Variants in ADAMTSL1 observed in about 807,000 individuals in gnomAD.
ADAMTSL1 encodes ADAMTS like 1.
A neutral mutation model predicts 201.8 loss-of-function variants in ADAMTSL1; 126 were observed. The observed-to-expected ratio is 0.62, with a 90% CI of 0.54 to 0.72. ADAMTSL1 has a LOEUF of 0.72. ADAMTSL1 is among the 30% of genes least tolerant of loss of function. The probability of loss-of-function intolerance (pLI) is 0.00; values close to 1 mark genes in which losing one functional copy is unlikely to be tolerated. For synonymous variants in ADAMTSL1, 1,121 were observed against 903.4 expected, an observed-to-expected ratio of 1.24 and a Z score of -4.32; for missense variants, 2,679 against 2,277.8, an observed-to-expected ratio of 1.18 and a Z score of -3.59.
chr9:18,699,702 C>T (rs908617131), intron 13 of ADAMTSL1, among the ~76,000 whole-genome samples: 1 of 152,166 alleles, frequency 6.6e-6, no homozygotes, highest in African/African-American at 2.4e-5. Flanking sequence ...CAGGGACACT[C>T]AATCTTTTTC....
intron 2 of ADAMTSL1, among the ~76,000 whole-genome samples, chr9:18,323,387 A>T (rs1834702505): frequency 6.6e-6 from 1 of 152,176 alleles, no homozygotes; most frequent in African/African-American, 2.4e-5. Flanking sequence ...GGAACTTTTT[A>T]AATCGGATAG....
At chr9:18,051,078 G>T (rs980881382) in intron 1 of ADAMTSL1, among the ~76,000 whole-genome samples, 1 of 152,196 alleles carries the variant, frequency 6.6e-6, no homozygotes, top group Non-Finnish European at 1.5e-5. Flanking sequence ...AAGGCGGGCA[G>T]ATCATGAGGT....
chr9:18,762,326 T>G (rs922713138), intron 16 of ADAMTSL1, among the ~76,000 whole-genome samples: 8 of 152,140 alleles, frequency 5.3e-5, no homozygotes, highest in Middle Eastern at 3.2e-3. Flanking sequence ...TGGAGGAGGC[T>G]TTAATGAAGA....
chr9:17,964,513 T>C (rs1248871480), intron 1 of ADAMTSL1, among the ~76,000 whole-genome samples: 1 of 152,136 alleles, frequency 6.6e-6, no homozygotes, highest in Non-Finnish European at 1.5e-5. Flanking sequence ...CTCTTCTGTG[T>C]CTCGACAGTA....
At chr9:18,820,279 T>C (rs180876620) in intron 21 of ADAMTSL1, among the ~76,000 whole-genome samples, 1 of 152,304 alleles carries the variant, frequency 6.6e-6, no homozygotes, top group Admixed American at 6.5e-5. Context: ...CAAGATACAA[T>C]TTTCAGGAAG....
chr9:18,326,491 T>G (rs1042732887), intron 2 of ADAMTSL1, among the ~76,000 whole-genome samples: 5 of 152,166 alleles, frequency 3.3e-5, no homozygotes, highest in African/African-American at 1.2e-4. Context: ...TGCTATACAT[T>G]TTTTAAAAAA....
intron 3 of ADAMTSL1, among the ~76,000 whole-genome samples, chr9:18,564,347 T>C (rs1376578654): frequency 1.3e-5 from 2 of 152,096 alleles, no homozygotes; most frequent in Admixed American, 6.5e-5. Context: ...GCAGCTACTG[T>C]CTAACCAGTC....
chr9:18,824,993 G>A (rs1824455233), intron 21 of ADAMTSL1, among the ~76,000 whole-genome samples: 1 of 152,104 alleles, frequency 6.6e-6, no homozygotes, highest in African/African-American at 2.4e-5. Context: ...ATCACGCCCG[G>A]CCAGGACTTT....
chr9:18,838,543 T>G (rs894855585), intron 23 of ADAMTSL1, among the ~76,000 whole-genome samples: 3 of 151,990 alleles, frequency 2.0e-5, no homozygotes, highest in Admixed American at 2.0e-4. Context: ...AATAAATAAC[T>G]AGGCTGGGCA....
rs201675556 is a variant in ADAMTSL1 at position 18,474,278 on chromosome 9, C to G, written c.46C>G (p.Leu16Val). 1.9e-6 allele frequency: 3 copies of G among 1,614,042 alleles called. No individual in the cohort carries two copies. Among genetic ancestry groups the G allele is most frequent in the Non-Finnish European group, 2.5e-6 (3 of 1,180,028 alleles). The change falls in exon 1 of 29, where the codon CTG (leucine) becomes GTG (valine). Residue 16 changes from leucine to valine, a missense_variant. Coordinates refer to ENST00000380548, the MANE Select transcript of ADAMTSL1 (RefSeq NM_001040272.6). The stretch of plus-strand genomic sequence containing the variant: ...AACTCCTGGCACACTGCTCCTCTTT[C>G]TGGCTTTCCTGCTCCTGGTAAATGC... ...RATPGTLLLF[L>V]AFLLLSSRTA...
chr9:18,186,907 G>A (rs912782955), intron 2 of ADAMTSL1, among the ~76,000 whole-genome samples: 1 of 151,674 alleles, frequency 6.6e-6, no homozygotes, highest in African/African-American at 2.4e-5. Context: ...TTGACGATAA[G>A]GATGGGTTTG....
chr9:18,254,344 GGTTTTTTT>G (rs1831584920), intron 2 of ADAMTSL1, among the ~76,000 whole-genome samples: 2 of 55,088 alleles, frequency 3.6e-5, no homozygotes. Context: ...TACTCTTTTT[GGTTTTTTT>G]TTTTTTTTTT....
intron 24 of ADAMTSL1, among the ~76,000 whole-genome samples, chr9:18,888,402 C>T (rs1037860490): frequency 3.9e-5 from 6 of 152,200 alleles, no homozygotes; most frequent in African/African-American, 1.4e-4. Flanking sequence ...ACAGAGTAGC[C>T]TGTTTGGTTA....
intron 2 of ADAMTSL1, among the ~76,000 whole-genome samples, chr9:18,422,399 A>G (rs1344267316): frequency 6.6e-6 from 1 of 152,152 alleles, no homozygotes; most frequent in Non-Finnish European, 1.5e-5. Flanking sequence ...TTCTCTCTGA[A>G]TAATGTTACA....
intron 14 of ADAMTSL1, chr9:18,718,330 T>G (rs529670720): frequency 2.7e-5 from 20 of 739,922 alleles, no homozygotes; most frequent in Non-Finnish European, 4.8e-5. Flanking sequence ...AAATCCCTCC[T>G]TGCTATACAT....
chr9:18,473,153 C>A (rs552377493), upstream of ADAMTSL1, among the ~76,000 whole-genome samples: 30 of 152,112 alleles, frequency 2.0e-4, no homozygotes, highest in Non-Finnish European at 4.0e-4. Flanking sequence ...CTCAGTTCAG[C>A]CTTTTCTGCA....
chr9:18,314,897 C>T (rs985032046), intron 2 of ADAMTSL1, among the ~76,000 whole-genome samples: 25 of 143,510 alleles, frequency 1.7e-4, no homozygotes, highest in Middle Eastern at 3.6e-3. Context: ...CCCGGGTTCA[C>T]GCCATTCTCC....
At chr9:18,240,282 A>G (rs1715748798) in intron 2 of ADAMTSL1, among the ~76,000 whole-genome samples, 1 of 152,094 alleles carries the variant, frequency 6.6e-6, no homozygotes, top group Admixed American at 6.5e-5. Context: ...TTACATCTCT[A>G]TCAGAACTCT....
At chr9:18,711,159 G>A (rs921866154) in intron 14 of ADAMTSL1, among the ~76,000 whole-genome samples, 1 of 152,140 alleles carries the variant, frequency 6.6e-6, no homozygotes, top group Non-Finnish European at 1.5e-5. Flanking sequence ...CTTGTTGTAG[G>A]CACCCACTGT....
Sources: allele counts gnomAD v4.1 joint callset (sites outside exome capture counted in the v4.1 genomes callset), GRCh38; gene constraint gnomAD v4.1.1; transcripts MANE v1.5; gene names NCBI Gene and HGNC (gene_info 2026-07-23, HGNC 2026-07-21).